COL23A1: variants seen among roughly 807,000 people sequenced by gnomAD.
COL23A1 encodes collagen type XXIII alpha 1 chain.
COL23A1 carries 97 observed loss-of-function variants against 99.3 expected under a neutral mutation model. The observed-to-expected ratio is 0.98, with a 90% CI of 0.83 to 1.16. The LOEUF (loss-of-function observed/expected upper bound fraction) is 1.16, where lower values mean the gene tolerates loss of function less well. Among genes scored for constraint, COL23A1 ranks in the 50% most tolerant of loss-of-function variants. The pLI is 0.00. For missense variants in COL23A1, 762 were observed against 757.4 expected (o/e 1.01, Z -0.07); for synonymous variants, 320 against 308.2 (o/e 1.04, Z -0.40).
intron 2 of COL23A1, among the ~76,000 whole-genome samples, chr5:178,541,451 G>A (rs1761282058): frequency 6.6e-6 from 1 of 152,146 alleles, no homozygotes; most frequent in Non-Finnish European, 1.5e-5. Context: ...AGCCGGGTGT[G>A]GTGGTCCTCG....
intron 2 of COL23A1, among the ~76,000 whole-genome samples, chr5:178,321,528 T>C (rs945407589): frequency 2.7e-5 from 4 of 148,208 alleles, no homozygotes; most frequent in Admixed American, 6.7e-5. Context: ...CTCGCTCTGT[T>C]GCCCAGGCTG....
At chr5:178,564,830 A>C (rs1459799788) in intron 1 of COL23A1, among the ~76,000 whole-genome samples, 1 of 152,228 alleles carries the variant, frequency 6.6e-6, no homozygotes, top group Non-Finnish European at 1.5e-5. Flanking sequence ...GGAAATACAG[A>C]TTGACATAGA....
chr5:178,320,097 T>G (rs75334796), intron 2 of COL23A1, among the ~76,000 whole-genome samples: 23,973 of 120,108 alleles, frequency 0.2, 2,532 homozygotes, highest in East Asian at 0.57. Flanking sequence ...GCCTGCCTCA[T>G]GCATTTGTTG....
At chr5:178,527,484 A>T (rs2113156764) in intron 2 of COL23A1, among the ~76,000 whole-genome samples, 1 of 152,286 alleles carries the variant, frequency 6.6e-6, no homozygotes, top group South Asian at 2.1e-4. Context: ...CTTCTAAGAG[A>T]ACGTCTCCTG....
chr5:178,556,335 G>C (rs1428860879), intron 2 of COL23A1, among the ~76,000 whole-genome samples: 1 of 152,048 alleles, frequency 6.6e-6, no homozygotes, highest in Non-Finnish European at 1.5e-5. Flanking sequence ...AAAATTAGTT[G>C]AAATGGGCCA....
chr5:178,419,046 C>T (rs565391679), intron 2 of COL23A1, among the ~76,000 whole-genome samples: 7 of 152,290 alleles, frequency 4.6e-5, no homozygotes, highest in East Asian at 1.9e-4. Context: ...GTGGAATGAA[C>T]GCAGCAAACA....
chr5:178,369,323 G>C (rs975803842), intron 2 of COL23A1, among the ~76,000 whole-genome samples: 7 of 152,092 alleles, frequency 4.6e-5, no homozygotes, highest in Non-Finnish European at 1.0e-4. Flanking sequence ...TCCAATTCCA[G>C]CTCCCAGGAA....
intron 2 of COL23A1, among the ~76,000 whole-genome samples, chr5:178,369,062 C>T (rs72822842): frequency 0.096 from 14,659 of 152,254 alleles, 801 homozygotes; most frequent in South Asian, 0.18. Context: ...GAGGTGAGGA[C>T]CTTAGGCTGC....
chr5:178,465,929 A>G (rs2133280), intron 2 of COL23A1, among the ~76,000 whole-genome samples: 114,934 of 152,004 alleles, frequency 0.76, 45,774 homozygotes, highest in Non-Finnish European at 0.9. Context: ...AGTCTAACTC[A>G]GCGCACACTT....
intron 4 of COL23A1, among the ~76,000 whole-genome samples, chr5:178,289,983 T>G (rs987393152): frequency 2.6e-5 from 4 of 152,176 alleles, no homozygotes; most frequent in Non-Finnish European, 4.4e-5. Context: ...CAGGCTGGAG[T>G]GCAGTGGTGC....
rs1267920457 is a variant in COL23A1, at chr5:178,556,482, G to A, written c.361+4200C>T. On this transcript the variant is annotated intron_variant, in intron 2 of 28. Coordinates refer to ENST00000390654, the MANE Select transcript of COL23A1 (RefSeq NM_173465.4). ...TAATAAAAATACAAAAATTAGCTGGGCGTGGTGGCAGGCATCTGTAGTCCC... is the reference window on the plus strand; with the variant it reads ...TAATAAAAATACAAAAATTAGCTGGACGTGGTGGCAGGCATCTGTAGTCCC... 2.6e-5 allele frequency among the ~76,000 whole-genome samples: 4 copies of A among 151,584 alleles called. No individual in the cohort carries two copies. The East Asian group carries it at 7.7e-4, about 29-fold the overall frequency.
At chr5:178,339,300 C>T in intron 2 of COL23A1, among the ~76,000 whole-genome samples, 1 of 152,232 alleles carries the variant, frequency 6.6e-6, no homozygotes, top group Middle Eastern at 3.2e-3. Flanking sequence ...ATTATCTCTA[C>T]AGGGTGTGTG....
intron 2 of COL23A1, among the ~76,000 whole-genome samples, chr5:178,465,966 G>A (rs552751083): frequency 2.0e-5 from 3 of 152,250 alleles, no homozygotes; most frequent in East Asian, 3.9e-4. Context: ...GTAGAGCCTC[G>A]GGGTGAGTGC....
At chr5:178,496,762 A>C (rs1222551796) in intron 2 of COL23A1, among the ~76,000 whole-genome samples, 1 of 152,206 alleles carries the variant, frequency 6.6e-6, no homozygotes, top group Non-Finnish European at 1.5e-5. Context: ...AGCTTGGGCA[A>C]AAAGGGAAAT....
intron 2 of COL23A1, among the ~76,000 whole-genome samples, chr5:178,383,448 C>A (rs1763492720): frequency 6.6e-6 from 1 of 152,228 alleles, no homozygotes; most frequent in Admixed American, 6.5e-5. Flanking sequence ...AGTCATGGCC[C>A]AGCCGGCCCC....
At chr5:178,385,590 C>T (rs556239611) in intron 2 of COL23A1, among the ~76,000 whole-genome samples, 1 of 152,192 alleles carries the variant, frequency 6.6e-6, no homozygotes, top group African/African-American at 2.4e-5. Flanking sequence ...GCCGTGTGCA[C>T]GTTAGGAAGT....
intron 2 of COL23A1, among the ~76,000 whole-genome samples, chr5:178,488,668 G>A (rs1446118344): frequency 6.7e-6 from 1 of 148,670 alleles, no homozygotes; most frequent in Admixed American, 6.7e-5. Context: ...ACACATATAT[G>A]CCTATGACTC....
Position 178,515,910 on chromosome 5 carries a change from G to C in COL23A1, c.361+44772C>G, listed in dbSNP as rs913796701. On this transcript the variant is annotated intron_variant, in intron 2 of 28. Coordinates refer to ENST00000390654, the MANE Select transcript of COL23A1 (RefSeq NM_173465.4). ...GCTGGATGGAGTTGGACCCGGTCCA[G>C]TGCTCGGGGTCACCCGGGCCTTCGC... is the stretch of plus-strand genomic sequence containing the variant. Among the ~76,000 whole-genome samples, 3 of 152,178 alleles carry C rather than the reference G, an allele frequency of 2.0e-5. No homozygotes were observed. The East Asian group carries it at 5.8e-4, about 30-fold the overall frequency.
intron 5 of COL23A1, among the ~76,000 whole-genome samples, chr5:178,273,451 G>A (rs1280373106): frequency 6.6e-6 from 1 of 152,192 alleles, no homozygotes; most frequent in African/African-American, 2.4e-5. Flanking sequence ...TACACCAAAC[G>A]CCCTGCCTGT....
Sources: gnomAD v4.1 joint callset for allele counts (sites outside exome capture counted in the v4.1 genomes callset) on GRCh38, gnomAD v4.1.1 for gene constraint, MANE v1.5 for transcripts, NCBI Gene and HGNC (gene_info 2026-07-23, HGNC 2026-07-21) for gene names.